The following C2orf42 variants were observed in gnomAD, a reference collection of about 807,000 sequenced individuals.
C2orf42 encodes uncharacterized protein C2orf42.
Under a neutral mutation model 58.9 loss-of-function variants are expected in C2orf42, and 44 were observed. The observed-to-expected ratio is 0.75, with a 90% confidence interval of 0.59 to 0.96. C2orf42 has a LOEUF of 0.96. Ranked by LOEUF, C2orf42 falls within the 40% of genes least tolerant of loss-of-function variation. The probability of loss-of-function intolerance (pLI) is 0.00; values close to 1 mark genes in which losing one functional copy is unlikely to be tolerated. For missense variants in C2orf42, 630 were observed against 699.2 expected, an observed-to-expected ratio of 0.90 and a Z score of 1.12; for synonymous variants, 239 against 265.4, an observed-to-expected ratio of 0.90 and a Z score of 0.97.
intron 3 of C2orf42, 80 bp from the exon 4 acceptor site, chr2:70,179,722 A>G: frequency 1.9e-6 from 1 of 525,496 alleles, no homozygotes; most frequent in Non-Finnish European, 3.4e-6. Flanking sequence ...GCGAAAAGTT[A>G]ATTTCTTTTT....
intron 9 of C2orf42, among the ~76,000 whole-genome samples, chr2:70,153,675 T>TAAA (rs201383627): frequency 2.4e-4 from 32 of 135,374 alleles, no homozygotes; most frequent in African/African-American, 3.2e-4. Flanking sequence ...AACAGGAAAT[T>TAAA]AAAAAAAAAA....
At chr2:70,172,698 G>A (rs1173039798) in intron 5 of C2orf42, among the ~76,000 whole-genome samples, 1 of 151,790 alleles carries the variant, frequency 6.6e-6, no homozygotes, top group Non-Finnish European at 1.5e-5. Context: ...AAAAAATACC[G>A]CCAACAACAA....
At chr2:70,176,513 A>G (rs544464904) in intron 4 of C2orf42, among the ~76,000 whole-genome samples, 1 of 152,164 alleles carries the variant, frequency 6.6e-6, no homozygotes, top group South Asian at 2.1e-4. Context: ...AAAAAAAAAA[A>G]AAATTATTTG....
chr2:70,169,266 C>A (rs933588428), intron 6 of C2orf42, among the ~76,000 whole-genome samples: 1 of 151,926 alleles, frequency 6.6e-6, no homozygotes, highest in Non-Finnish European at 1.5e-5. Context: ...CACACACACA[C>A]ACACACACAC....
At chr2:70,171,008 G>A (rs1187818780) in intron 5 of C2orf42, among the ~76,000 whole-genome samples, 2 of 150,832 alleles carry the variant, frequency 1.3e-5, no homozygotes, top group South Asian at 2.1e-4. Flanking sequence ...CCAGCTACTC[G>A]GGAGGCTGAG....
intron 2 of C2orf42, among the ~76,000 whole-genome samples, 166 bp from the exon 3 acceptor site, chr2:70,182,163 G>C (rs550819907): frequency 9.7e-4 from 147 of 152,028 alleles, no homozygotes; most frequent in African/African-American, 3.4e-3. Context: ...GCAGCGGCGC[G>C]ATCTCGGCTC....
At position 70,150,195 on chromosome 2, in the gene C2orf42, T is replaced by A; in HGVS notation, c.*161A>T. The A allele has an allele frequency of 1.6e-6, 1 of 631,876 alleles. No individual in the cohort carries two copies. Among genetic ancestry groups the A allele is most frequent in the Non-Finnish European group, 2.8e-6 (1 of 358,534 alleles). The allele number at this position is 631,876 out of a possible 1,614,324, so 39.1% of individuals were successfully genotyped here. A position where few individuals can be genotyped will look rare whatever the true frequency, so the allele number is the denominator to read the frequency against. The stretch of plus-strand genomic sequence containing the variant: ...ATCAAAAAGGCTATTTACAAGAGAT[T>A]TTCTTCAACAGAATCCACTTGAAAG... On this transcript the variant is annotated 3_prime_UTR_variant, in exon 10 of 10. Coordinates refer to ENST00000264434, the MANE Select transcript of C2orf42 (RefSeq NM_017880.3).
chr2:70,180,536 AG>A (rs1284461421), intron 3 of C2orf42, among the ~76,000 whole-genome samples: 2 of 135,898 alleles, frequency 1.5e-5, no homozygotes, highest in Non-Finnish European at 3.1e-5. Flanking sequence ...TGAACCCAGG[AG>A]GCAGGGGTTG....
At position 70,150,038 on chromosome 2, in the gene C2orf42, A is replaced by C. The variant is rs1672209181; in HGVS notation, c.*318T>G. The C allele has an allele frequency of 2.8e-6, 1 of 362,020 alleles. No individual in the cohort carries two copies. Among genetic ancestry groups the C allele is most frequent in the South Asian group, 2.6e-5 (1 of 38,122 alleles). 22.4% of individuals were successfully genotyped at this position (362,020 alleles called of 1,614,324 possible). ...CTGAGTGCTGCAGATTTCTCAGAGA[A>C]TTAGCAAAAGGTTGAAATAAACGCT... On this transcript the variant is annotated 3_prime_UTR_variant, in exon 10 of 10. Coordinates refer to ENST00000264434, the MANE Select transcript of C2orf42 (RefSeq NM_017880.3).
chr2:70,189,267 G>A (rs573816553), intron 1 of C2orf42, among the ~76,000 whole-genome samples: 310 of 151,564 alleles, frequency 2.0e-3, no homozygotes, highest in Non-Finnish European at 3.2e-3. Context: ...TTAGCCGGGC[G>A]TGGTGACGTA....
At chr2:70,176,410 A>C (rs1196568016) in intron 4 of C2orf42, among the ~76,000 whole-genome samples, 2 of 151,886 alleles carry the variant, frequency 1.3e-5, no homozygotes, top group East Asian at 3.9e-4. Context: ...AGGCTGAGGC[A>C]GGAGAATCGC....
chr2:70,161,304 A>G (rs1673035954), intron 8 of C2orf42, among the ~76,000 whole-genome samples: 1 of 152,186 alleles, frequency 6.6e-6, no homozygotes, highest in African/African-American at 2.4e-5. Flanking sequence ...AGTTAATGCC[A>G]GGGCATGGCT....
At chr2:70,154,485 C>G (rs1457468465) in intron 9 of C2orf42, among the ~76,000 whole-genome samples, 1 of 141,286 alleles carries the variant, frequency 7.1e-6, no homozygotes, top group African/African-American at 2.6e-5. Flanking sequence ...CCCGTAATAA[C>G]CCAAAGAGTG....
At chr2:70,168,268 CA>C (rs1444170876) in intron 6 of C2orf42, among the ~76,000 whole-genome samples, 1 of 150,668 alleles carries the variant, frequency 6.6e-6, no homozygotes, top group Non-Finnish European at 1.5e-5. Flanking sequence ...AGGCCTCTGC[CA>C]CCATGCCCAG....
At chr2:70,161,560 G>A (rs567372476) in intron 8 of C2orf42, among the ~76,000 whole-genome samples, 2 of 152,198 alleles carry the variant, frequency 1.3e-5, no homozygotes, top group South Asian at 2.1e-4. Flanking sequence ...AGGCAAGGTC[G>A]CTAGGAGTGG....
At chr2:70,173,298 G>A (rs564345466) in intron 5 of C2orf42, among the ~76,000 whole-genome samples, 8 of 130,030 alleles carry the variant, frequency 6.2e-5, no homozygotes, top group Middle Eastern at 4.1e-3. Flanking sequence ...TTTTGAGACG[G>A]AGTCTCACTC....
intron 5 of C2orf42, among the ~76,000 whole-genome samples, chr2:70,171,613 C>A (rs1016539523): frequency 2.0e-5 from 3 of 151,960 alleles, no homozygotes; most frequent in African/African-American, 4.8e-5. Context: ...CGGGTTCAGG[C>A]GATTCTCCTG....
chr2:70,166,137 C>A (rs1367095381), intron 6 of C2orf42, among the ~76,000 whole-genome samples: 2 of 151,820 alleles, frequency 1.3e-5, no homozygotes, highest in Admixed American at 6.6e-5. Flanking sequence ...GATCCACCCA[C>A]CTCGGCCACC....
At chr2:70,160,903 T>C in intron 8 of C2orf42, 116 bp from the exon 9 acceptor site, 1 of 646,736 alleles carries the variant, frequency 1.5e-6, no homozygotes, top group Non-Finnish European at 2.5e-6. Flanking sequence ...TATATTCAAA[T>C]GAATTACAAC....
Sources: gnomAD v4.1 joint callset for allele counts (sites outside exome capture counted in the v4.1 genomes callset) on GRCh38, gnomAD v4.1.1 for gene constraint, MANE v1.5 for transcripts, NCBI Gene and HGNC (gene_info 2026-07-23, HGNC 2026-07-21) for gene names.